AGPAT4: variants seen among roughly 807,000 people sequenced by gnomAD.
The protein encoded by AGPAT4 is 1-acylglycerol-3-phosphate O-acyltransferase 4.
A neutral mutation model predicts 48.0 loss-of-function variants in AGPAT4; 15 were observed. The ratio of observed to expected loss-of-function variants is 0.31; its 90% confidence interval spans 0.21 to 0.48. The LOEUF (loss-of-function observed/expected upper bound fraction) is 0.48, where lower values mean the gene tolerates loss of function less well. Ranked by LOEUF, AGPAT4 falls within the 20% of genes least tolerant of loss-of-function variation. AGPAT4 has a pLI of 0.99. For missense variants in AGPAT4, 314 were observed against 482.5 expected (o/e 0.65, Z 3.27); for synonymous variants, 178 against 198.7 (o/e 0.90, Z 0.88).
At chr6:161,163,142 T>C (rs181952332) in intron 3 of AGPAT4, among the ~76,000 whole-genome samples, 1 of 152,374 alleles carries the variant, frequency 6.6e-6, no homozygotes, top group Non-Finnish European at 1.5e-5. Context: ...AGCCTCTTTG[T>C]TAAAAAGACA....
In AGPAT4 at chr6:161,146,104, G is replaced by A. The variant is rs1270487623; in HGVS notation, c.843+420C>T. On this transcript the variant is annotated intron_variant, in intron 7 of 8. Transcript: ENST00000320285. This position sits in a 1 kb window ranked among gnomAD's most constrained non-coding sequence, Gnocchi z 7.1. The stretch of plus-strand genomic sequence containing the variant: ...AGGTTCGAACCCAGCCAAGACCAAG[G>A]TGGATCCTTGTAGGGCTTTATCCTG... Among the ~76,000 whole-genome samples, 1 of 151,574 alleles carries A rather than the reference G, an allele frequency of 6.6e-6. No individual in the cohort carries two copies. The highest frequency in any genetic ancestry group is 1.9e-4 in the East Asian group (1 of 5,190).
chr6:161,179,918 A>C (rs1780537287), intron 2 of AGPAT4, among the ~76,000 whole-genome samples: 1 of 152,204 alleles, frequency 6.6e-6, no homozygotes, highest in South Asian at 2.1e-4. Context: ...AGTTTTAGGG[A>C]GTCAAAAGTT....
intron 2 of AGPAT4, among the ~76,000 whole-genome samples, chr6:161,190,401 C>G (rs995074646): frequency 6.6e-6 from 1 of 151,938 alleles, no homozygotes; most frequent in African/African-American, 2.4e-5. Flanking sequence ...AAAAAATAGC[C>G]CATTAATTTT....
rs771836146 is a variant in AGPAT4 at position 161,140,855 on chromosome 6, T to C, written c.844-1235A>G. The stretch of plus-strand genomic sequence containing the variant: ...TATTGTAAAAGCTGCACGTGGCCGA[T>C]AGCATGCACGCCACACAAAAATGGG... On this transcript the variant is annotated intron_variant, in intron 7 of 8. Transcript: ENST00000320285. This position sits in a 1 kb window ranked among gnomAD's most constrained non-coding sequence, Gnocchi z 6.5. 1.3e-5 allele frequency among the ~76,000 whole-genome samples: 2 copies of C among 152,162 alleles called. No homozygotes were observed. The highest frequency in any genetic ancestry group is 2.4e-5 in the African/African-American group (1 of 41,442).
chr6:161,176,386 T>G (rs1364655700), intron 2 of AGPAT4, among the ~76,000 whole-genome samples: 1 of 151,870 alleles, frequency 6.6e-6, no homozygotes, highest in African/African-American at 2.4e-5. Flanking sequence ...TTCACCATTA[T>G]GTAATGGCCT....
chr6:161,227,899 C>T (rs2115032923), intron 2 of AGPAT4, among the ~76,000 whole-genome samples: 1 of 151,212 alleles, frequency 6.6e-6, no homozygotes, highest in South Asian at 2.1e-4. Context: ...GAAGTAACAA[C>T]TTCCCAAGAG....
intron 1 of AGPAT4, among the ~76,000 whole-genome samples, chr6:161,273,601 A>G (rs1421714174): frequency 2.0e-5 from 3 of 151,994 alleles, no homozygotes; most frequent in East Asian, 3.9e-4. Flanking sequence ...CGTCTATAGC[A>G]GAGAAAATGC....
Position 161,140,577 on chromosome 6 carries a change from C to T in AGPAT4, c.844-957G>A, listed in dbSNP as rs778238009. Reference sequence around the variant, plus strand: ...TCCCGCTCAGGGACTGGGGCTCAGCCGCAAGGAGCTGCTGAACACAAGGGA... The same window carrying T: ...TCCCGCTCAGGGACTGGGGCTCAGCTGCAAGGAGCTGCTGAACACAAGGGA... On this transcript the variant is annotated intron_variant, in intron 7 of 8. Transcript: ENST00000320285. The surrounding 1 kb of genome is among the most constrained non-coding windows in gnomAD (Gnocchi z 6.5). Among the ~76,000 whole-genome samples, 6 of 152,214 alleles carry T rather than the reference C, an allele frequency of 3.9e-5. No homozygotes were observed. The highest frequency in any genetic ancestry group is 7.2e-5 in the African/African-American group (3 of 41,470).
chr6:161,244,950 A>T lies in AGPAT4; in HGVS notation c.-89-12648T>A, dbSNP rs1284340701. On this transcript the variant is annotated intron_variant, in intron 1 of 8. Transcript: ENST00000320285. The surrounding 1 kb of genome is among the most constrained non-coding windows in gnomAD (Gnocchi z 4.7). The stretch of plus-strand genomic sequence containing the variant: ...GAAAACCAAGGAGATGCGAAGTGAT[A>T]GCAACCAGAGCCAAAGGCCACGTAG... Among the ~76,000 whole-genome samples the T allele has an allele frequency of 3.3e-5, 5 of 152,230 alleles. No homozygotes were observed. Among genetic ancestry groups the T allele is most frequent in the Non-Finnish European group, 5.9e-5 (4 of 68,042 alleles).
chr6:161,136,374 T>G lies in AGPAT4; in HGVS notation c.*166A>C, dbSNP rs1779065646. On this transcript the variant is annotated 3_prime_UTR_variant, in exon 9 of 9. Transcript: ENST00000320285. ...GGGAAAAAAAGATTACAAAACATCT[T>G]CCTCCCCATCCGGCCTTGAGACCAG... 6.5e-6 allele frequency: 4 copies of G among 613,562 alleles called. No individual in the cohort carries two copies. The highest frequency in any genetic ancestry group is 1.2e-5 in the Non-Finnish European group (4 of 346,516). The allele number at this position is 613,562 out of a possible 1,614,324, so 38.0% of individuals were successfully genotyped here.
In AGPAT4 at chr6:161,231,645, T is replaced by C. The variant is rs1350619558; in HGVS notation, c.178+391A>G. Among the ~76,000 whole-genome samples, 1 of 152,134 alleles carries C rather than the reference T, an allele frequency of 6.6e-6. No individual in the cohort carries two copies. Among genetic ancestry groups the C allele is most frequent in the Non-Finnish European group, 1.5e-5 (1 of 68,020 alleles). ...ACTTAGTTTTTTAAAAAAAAATACG[T>C]ATGTATATGTATCTATATAGATATA... On this transcript the variant is annotated intron_variant, in intron 2 of 8. Transcript: ENST00000320285. This position sits in a 1 kb window ranked among gnomAD's most constrained non-coding sequence, Gnocchi z 5.3.
At chr6:161,207,194 G>A (rs1047746409) in intron 2 of AGPAT4, among the ~76,000 whole-genome samples, 2 of 152,200 alleles carry the variant, frequency 1.3e-5, no homozygotes, top group African/African-American at 4.8e-5. Context: ...GAAATCCTCT[G>A]GAAGTAAAAT....
chr6:161,268,332 TTTC>T (rs1172611209), intron 1 of AGPAT4, among the ~76,000 whole-genome samples: 1 of 152,206 alleles, frequency 6.6e-6, no homozygotes, highest in Non-Finnish European at 1.5e-5. Context: ...CCTACAAGAA[TTTC>T]TTTTCTCTTC....
rs1244151963 is a variant in AGPAT4 at position 161,137,836 on chromosome 6, C to A, written c.1043-1202G>T. On this transcript the variant is annotated intron_variant, in intron 8 of 8. Transcript: ENST00000320285. This position sits in a 1 kb window ranked among gnomAD's most constrained non-coding sequence, Gnocchi z 6.1. The stretch of plus-strand genomic sequence containing the variant: ...CTCCTGAAGACTCCCTGTGTCCACA[C>A]TGCACCCCTCAGATGCTCCTGAAGA... Among the ~76,000 whole-genome samples, 1 of 151,936 alleles carries A rather than the reference C, an allele frequency of 6.6e-6. No homozygotes were observed. The highest frequency in any genetic ancestry group is 1.5e-5 in the Non-Finnish European group (1 of 67,962).
chr6:161,248,136 A>G (rs563501709), intron 1 of AGPAT4, among the ~76,000 whole-genome samples: 3 of 152,160 alleles, frequency 2.0e-5, no homozygotes, highest in Admixed American at 2.0e-4. Context: ...TCAGCCCAAA[A>G]GCTCCTCAAG....
At chr6:161,247,681 A>G (rs1279440217) in intron 1 of AGPAT4, among the ~76,000 whole-genome samples, 3 of 152,176 alleles carry the variant, frequency 2.0e-5, no homozygotes, top group Non-Finnish European at 4.4e-5. Context: ...ACGCCTATTC[A>G]ACATAGTATT....
rs1781954647 is a variant in AGPAT4 at position 161,225,552 on chromosome 6, A to AC, written c.178+6483dup. Among the ~76,000 whole-genome samples the AC allele has an allele frequency of 6.6e-6, 1 of 152,152 alleles. No homozygotes were observed. The highest frequency in any genetic ancestry group is 2.4e-5 in the African/African-American group (1 of 41,430). On this transcript the variant is annotated intron_variant, in intron 2 of 8. Coordinates refer to ENST00000320285, the MANE Select transcript of AGPAT4 (RefSeq NM_020133.3). The surrounding 1 kb of genome is among the most constrained non-coding windows in gnomAD (Gnocchi z 5.0). ...CTTCCTGAGGTCTCCCAGGAGATAC[A>AC]CCCCTTAGAACTAGAAAAGAAAAGA...
chr6:161,235,398 T>C lies in AGPAT4; in HGVS notation c.-89-3096A>G, dbSNP rs1353469855. On this transcript the variant is annotated intron_variant, in intron 1 of 8. Transcript: ENST00000320285. The surrounding 1 kb of genome is among the most constrained non-coding windows in gnomAD (Gnocchi z 6.2). ...AGTTGTTAAATAATTTAACTGACTT[T>C]AGAATGAGGGCTGATGATTAAAAGA... Among the ~76,000 whole-genome samples, 1 of 152,188 alleles carries C rather than the reference T, an allele frequency of 6.6e-6. No individual in the cohort carries two copies. The highest frequency in any genetic ancestry group is 1.5e-5 in the Non-Finnish European group (1 of 68,036).
rs1269017876 is a variant in AGPAT4, at chr6:161,259,663, C to T, written c.-90+14275G>A. Reference sequence around the variant, plus strand: ...CAACAAGGGAGAGCAGAGCCTTACCCCAACTGTGGGGTCCCAGGTCACCGC... The same window carrying T: ...CAACAAGGGAGAGCAGAGCCTTACCTCAACTGTGGGGTCCCAGGTCACCGC... On this transcript the variant is annotated intron_variant, in intron 1 of 8. Coordinates refer to ENST00000320285, the MANE Select transcript of AGPAT4 (RefSeq NM_020133.3). The surrounding 1 kb of genome is among the most constrained non-coding windows in gnomAD (Gnocchi z 4.9). Among the ~76,000 whole-genome samples the T allele has an allele frequency of 3.3e-5, 5 of 152,096 alleles. No homozygotes were observed. The highest frequency in any genetic ancestry group is 7.4e-5 in the Non-Finnish European group (5 of 68,012).
Sources: gnomAD v4.1 joint callset for allele counts (sites outside exome capture counted in the v4.1 genomes callset) on GRCh38, gnomAD v4.1.1 for gene constraint, Gnocchi (gnomAD v3.1) non-coding constraint, MANE v1.5 for transcripts, NCBI Gene and HGNC (gene_info 2026-07-23, HGNC 2026-07-21) for gene names.